KIF3B: variants seen among roughly 807,000 people sequenced by gnomAD.
KIF3B encodes kinesin family member 3B, also known as kinesin-like protein KIF3B.
In KIF3B, 38 loss-of-function variants were observed where a neutral mutation model predicts 74.3. The observed-to-expected ratio is 0.51, with a 90% CI of 0.39 to 0.67. KIF3B has a LOEUF of 0.67. KIF3B is among the 30% of genes least tolerant of loss of function. KIF3B has a pLI of 0.00. For missense variants in KIF3B, 649 were observed against 932.0 expected (o/e 0.70, Z 3.95); for synonymous variants, 326 against 342.5 (o/e 0.95, Z 0.53).
chr20:32,290,954 T>A (rs1395392671), intron 1 of KIF3B, among the ~76,000 whole-genome samples: 1 of 152,102 alleles, frequency 6.6e-6, no homozygotes, highest in Non-Finnish European at 1.5e-5. Context: ...AAGGAAGTTC[T>A]GACACATGCT....
intron 1 of KIF3B, among the ~76,000 whole-genome samples, chr20:32,292,388 G>T (rs939584713): frequency 6.6e-6 from 1 of 151,888 alleles, no homozygotes; most frequent in African/African-American, 2.4e-5. Flanking sequence ...ATGAAGCCAA[G>T]AGTTTGAGAC....
chr20:32,299,915 A>G (rs2047735289), intron 1 of KIF3B, among the ~76,000 whole-genome samples: 1 of 151,858 alleles, frequency 6.6e-6, no homozygotes, highest in Non-Finnish European at 1.5e-5. Flanking sequence ...CAGCCTCCCA[A>G]GTACTGGGAC....
intron 1 of KIF3B, among the ~76,000 whole-genome samples, chr20:32,299,403 A>ATATATATATTTTTT (rs1555895046): frequency 2.3e-3 from 21 of 9,026 alleles, no homozygotes; most frequent in Non-Finnish European, 2.9e-3. Context: ...ATATATATAT[A>ATATATATATTTTTT]TTTTTTTTTT....
intron 3 of KIF3B, 103 bp from the exon 4 acceptor site, chr20:32,316,424 G>A: frequency 6.4e-7 from 1 of 1,563,744 alleles, no homozygotes; most frequent in Non-Finnish European, 8.8e-7. Context: ...TGAGAGCAAG[G>A]TGTGTCTGCC....
chr20:32,296,681 G>A (rs1034608732), intron 1 of KIF3B, among the ~76,000 whole-genome samples: 6 of 152,162 alleles, frequency 3.9e-5, no homozygotes, highest in African/African-American at 1.4e-4. Context: ...GAAAGCCAGT[G>A]TTGTTATCTG....
intron 3 of KIF3B, 47 bp from the exon 4 acceptor site, chr20:32,316,480 A>G: frequency 6.2e-7 from 1 of 1,611,786 alleles, no homozygotes; most frequent in Non-Finnish European, 8.5e-7. Context: ...AACCCAGCAT[A>G]GACACAGTCT....
At chr20:32,325,267 C>A (rs2047896978) in intron 5 of KIF3B, among the ~76,000 whole-genome samples, 1 of 152,166 alleles carries the variant, frequency 6.6e-6, no homozygotes, top group Admixed American at 6.6e-5. Flanking sequence ...TGGCTCACTG[C>A]AACCTCTGCC....
At chr20:32,318,158 T>G (rs2047837698) in intron 5 of KIF3B, among the ~76,000 whole-genome samples, 1 of 151,920 alleles carries the variant, frequency 6.6e-6, no homozygotes, top group South Asian at 2.1e-4. Context: ...AAAAATTAGC[T>G]GGGTGTGATG....
intron 7 of KIF3B, among the ~76,000 whole-genome samples, chr20:32,328,477 G>A (rs1037496799): frequency 6.6e-6 from 1 of 151,798 alleles, no homozygotes; most frequent in African/African-American, 2.4e-5. Context: ...ATGGTGGCAG[G>A]CACCTGTAAT....
chr20:32,317,178 G>A (rs1008420569), intron 5 of KIF3B, among the ~76,000 whole-genome samples: 12 of 152,098 alleles, frequency 7.9e-5, no homozygotes, highest in Non-Finnish European at 8.8e-5. Flanking sequence ...TGGAGATTGC[G>A]GTGAGTTGAT....
intron 1 of KIF3B, among the ~76,000 whole-genome samples, chr20:32,304,278 G>C (rs1432874367): frequency 6.6e-6 from 1 of 152,176 alleles, no homozygotes; most frequent in Non-Finnish European, 1.5e-5. Context: ...TATTTATTAA[G>C]CCACAGCATA....
At chr20:32,319,413 T>G (rs909314071) in intron 5 of KIF3B, among the ~76,000 whole-genome samples, 1 of 151,838 alleles carries the variant, frequency 6.6e-6, no homozygotes, top group East Asian at 1.9e-4. Flanking sequence ...ATTGGCCATT[T>G]GTATGTCTTT....
chr20:32,297,978 C>T (rs988166720), intron 1 of KIF3B, among the ~76,000 whole-genome samples: 2 of 151,914 alleles, frequency 1.3e-5, no homozygotes, highest in African/African-American at 2.4e-5. Context: ...GGCAAGGTGG[C>T]GCATCCCTGC....
At chr20:32,321,437 A>G (rs2047859669) in intron 5 of KIF3B, among the ~76,000 whole-genome samples, 1 of 151,772 alleles carries the variant, frequency 6.6e-6, no homozygotes, top group South Asian at 2.1e-4. Flanking sequence ...TCAAAAAAAA[A>G]AAAAAGAAAG....
At chr20:32,326,699 G>T (rs188315694) in intron 5 of KIF3B, 72 bp from the exon 6 acceptor site, 204 of 702,120 alleles carry the variant, frequency 2.9e-4, no homozygotes, top group Non-Finnish European at 4.4e-4. Context: ...TACTCACCAT[G>T]CATGAGACCA....
chr20:32,298,987 A>G (rs910161537), intron 1 of KIF3B, among the ~76,000 whole-genome samples: 2 of 152,144 alleles, frequency 1.3e-5, no homozygotes, highest in Admixed American at 6.6e-5. Context: ...GTACTTATAC[A>G]TACATAAATG....
At chr20:32,280,352 A>G (rs1416135567) in intron 1 of KIF3B, among the ~76,000 whole-genome samples, 2 of 131,752 alleles carry the variant, frequency 1.5e-5, no homozygotes, top group Non-Finnish European at 3.1e-5. Context: ...ATGGCATTAT[A>G]TAAATGTTGA....
intron 5 of KIF3B, among the ~76,000 whole-genome samples, chr20:32,325,653 CTCTTTTTTTTTTTT>C (rs1309252227): frequency 1.0e-4 from 9 of 90,286 alleles, no homozygotes; most frequent in Middle Eastern, 6.0e-3. Flanking sequence ...CTCTCTCTCT[CTCTTTTTTTTTTTT>C]TTTTTTTTTT....
At chr20:32,280,737 AAAAG>A (rs1221561089) in intron 1 of KIF3B, among the ~76,000 whole-genome samples, 74 of 151,094 alleles carry the variant, frequency 4.9e-4, no homozygotes, top group African/African-American at 1.7e-3. Context: ...AAAAAAAAAA[AAAAG>A]AAAGAAAGAT....
Sources: allele counts gnomAD v4.1 joint callset (sites outside exome capture counted in the v4.1 genomes callset), GRCh38; gene constraint gnomAD v4.1.1; transcripts MANE v1.5; gene names NCBI Gene and HGNC (gene_info 2026-07-23, HGNC 2026-07-21).